The following DST variants were observed in gnomAD, a reference collection of about 807,000 sequenced individuals.
The protein encoded by DST is dystonin.
A neutral mutation model predicts 875.2 loss-of-function variants in DST; 253 were observed. The ratio of observed to expected loss-of-function variants is 0.29; its 90% CI spans 0.26 to 0.32. DST has a LOEUF of 0.32. DST is among the 10% of genes least tolerant of loss of function. The pLI, the probability that DST is intolerant of heterozygous loss-of-function variation, is 1.00. For synonymous variants in DST, 3,124 were observed against 3,197.1 expected, an observed-to-expected ratio of 0.98 and a Z score of 0.77; for missense variants, 8,287 against 9,111.6, an observed-to-expected ratio of 0.91 and a Z score of 3.68.
At chr6:56,782,191 G>T (rs188512636) in intron 4 of DST, among the ~76,000 whole-genome samples, 3,608 of 151,990 alleles carry the variant, frequency 0.024, 129 homozygotes, top group African/African-American at 0.078. Context: ...TCTCTTTTTT[G>T]GTTGTGTCTC....
intron 49 of DST, among the ~76,000 whole-genome samples, chr6:56,583,296 T>C (rs77838981): frequency 0.013 from 1,916 of 152,326 alleles, 17 homozygotes; most frequent in Non-Finnish European, 0.018. Flanking sequence ...TTCTCACTGG[T>C]GTGAGATGGT....
chr6:56,927,650 CCATA>C (rs1047206958), intron 2 of DST, among the ~76,000 whole-genome samples: 4 of 151,978 alleles, frequency 2.6e-5, no homozygotes, highest in African/African-American at 9.7e-5. Flanking sequence ...AAAAGAAAAA[CCATA>C]CAATCACCCC....
intron 61 of DST, among the ~76,000 whole-genome samples, chr6:56,539,829 T>G (rs557025080): frequency 6.6e-6 from 1 of 152,294 alleles, no homozygotes; most frequent in South Asian, 2.1e-4. Flanking sequence ...TTAAAAAAAG[T>G]CCTTAATGTG....
At chr6:56,717,232 A>G (rs2099398692) in intron 5 of DST, among the ~76,000 whole-genome samples, 1 of 150,668 alleles carries the variant, frequency 6.6e-6, no homozygotes, top group Non-Finnish European at 1.5e-5. Context: ...TAAGCATGCA[A>G]CCTACATCCC....
rs544992333 is a variant in DST at position 56,752,418 on chromosome 6, G to A, written c.626-17129C>T. 5.2e-4 allele frequency among the ~76,000 whole-genome samples: 79 copies of A among 151,844 alleles called. 1 individual carries two copies. The highest frequency in any genetic ancestry group is 6.8e-3 in the Middle Eastern group (2 of 294). On this transcript the variant is annotated intron_variant, in intron 4 of 103. Transcript: ENST00000680361. ...GAGAATTGTTTGCATCCTGTAACCC[G>A]CACCCAAAACAAGATAAAGAACATT...
intron 61 of DST, among the ~76,000 whole-genome samples, chr6:56,548,055 G>A (rs2097258585): frequency 1.3e-5 from 2 of 152,210 alleles, no homozygotes; most frequent in Non-Finnish European, 2.9e-5. Flanking sequence ...CAGGTTCTGA[G>A]GTAAGGCATT....
intron 4 of DST, among the ~76,000 whole-genome samples, chr6:56,789,374 T>C (rs1471881997): frequency 6.6e-6 from 1 of 152,218 alleles, no homozygotes; most frequent in Non-Finnish European, 1.5e-5. Flanking sequence ...TATAGTTATA[T>C]ATGCATATGT....
At chr6:56,461,171 T>C (rs1475190731) in intron 102 of DST, 1 of 152,144 alleles carries the variant, frequency 6.6e-6, no homozygotes, top group Non-Finnish European at 1.5e-5. Flanking sequence ...TAAAATGTTA[T>C]AATCATCTGA....
intron 3 of DST, among the ~76,000 whole-genome samples, chr6:56,882,013 A>G (rs1184380759): frequency 6.6e-6 from 1 of 152,216 alleles, no homozygotes; most frequent in Non-Finnish European, 1.5e-5. Flanking sequence ...ACTTTAAAGT[A>G]TATGTTCAGG....
intron 9 of DST, among the ~76,000 whole-genome samples, chr6:56,671,184 A>G (rs1208099820): frequency 6.6e-6 from 1 of 152,252 alleles, no homozygotes; most frequent in Admixed American, 6.5e-5. Context: ...TTTGTGTCCA[A>G]TTTAAAAGCA....
chr6:56,717,467 T>C (rs2099399470), intron 5 of DST, among the ~76,000 whole-genome samples: 1 of 152,132 alleles, frequency 6.6e-6, no homozygotes. Flanking sequence ...TTTGTAAAGC[T>C]AATGAGAGAC....
chr6:56,891,481 G>A (rs1787394526), intron 3 of DST, among the ~76,000 whole-genome samples: 1 of 151,314 alleles, frequency 6.6e-6, no homozygotes, highest in African/African-American at 2.4e-5. Context: ...GCAGGAGAAT[G>A]GCGTGAACCG....
intron 2 of DST, among the ~76,000 whole-genome samples, chr6:56,904,793 T>C (rs779942271): frequency 3.9e-5 from 6 of 152,034 alleles, no homozygotes; most frequent in Non-Finnish European, 8.8e-5. Flanking sequence ...TTAATAAGAG[T>C]TACTCTTTTT....
chr6:56,767,583 C>G (rs1268463662), intron 4 of DST, among the ~76,000 whole-genome samples: 1 of 151,680 alleles, frequency 6.6e-6, no homozygotes, highest in Non-Finnish European at 1.5e-5. Context: ...CACGACTGTA[C>G]TTGCCTGGGT....
At chr6:56,833,483 A>G (rs1562082829) in intron 4 of DST, among the ~76,000 whole-genome samples, 1 of 152,226 alleles carries the variant, frequency 6.6e-6, no homozygotes, top group Non-Finnish European at 1.5e-5. Flanking sequence ...TAACTTTCAC[A>G]TGTTTTACAG....
At chr6:56,515,361 G>A in intron 72 of DST, 89 bp downstream of exon 72, 1 of 1,412,214 alleles carries the variant, frequency 7.1e-7, no homozygotes, top group Non-Finnish European at 9.7e-7. Context: ...CCTTAATCAT[G>A]TAAGTGTTTA....
intron 82 of DST, among the ~76,000 whole-genome samples, chr6:56,495,666 T>C (rs1032154232): frequency 1.3e-5 from 2 of 152,158 alleles, no homozygotes; most frequent in African/African-American, 4.8e-5. Context: ...CACTTACAAG[T>C]TTAGTCTATT....
chr6:56,489,045 C>T (rs2152434649), intron 86 of DST, among the ~76,000 whole-genome samples: 1 of 152,260 alleles, frequency 6.6e-6, no homozygotes, highest in African/African-American at 2.4e-5. Context: ...TAGGTACAAG[C>T]ATCCAATTTT....
chr6:56,936,842 G>A (rs537372981), intron 2 of DST, among the ~76,000 whole-genome samples: 50 of 151,252 alleles, frequency 3.3e-4, no homozygotes, highest in African/African-American at 1.2e-3. Flanking sequence ...ATTTAGAAAG[G>A]CAAAAATTAC....
Sources: allele counts gnomAD v4.1 joint callset (sites outside exome capture counted in the v4.1 genomes callset), GRCh38; gene constraint gnomAD v4.1.1; transcripts MANE v1.5; gene names NCBI Gene and HGNC (gene_info 2026-07-23, HGNC 2026-07-21).